ROBO1: variants seen among roughly 807,000 people sequenced by gnomAD.
ROBO1 encodes roundabout guidance receptor 1, also known as roundabout homolog 1.
A neutral mutation model predicts 195.9 loss-of-function variants in ROBO1; 149 were observed. That is an observed-to-expected ratio of 0.76 (90% confidence interval 0.67 to 0.87). The LOEUF is 0.87. ROBO1 is among the 40% of genes least tolerant of loss of function. The pLI is 0.00. For synonymous variants in ROBO1, 816 were observed against 733.2 expected (o/e 1.11, Z -1.82); for missense variants, 1,933 against 2,068.3 (o/e 0.93, Z 1.27).
At chr3:79,140,738 T>G (rs2080508282) in intron 2 of ROBO1, among the ~76,000 whole-genome samples, 1 of 152,202 alleles carries the variant, frequency 6.6e-6, no homozygotes, top group South Asian at 2.1e-4. Flanking sequence ...AGAGAAAAAG[T>G]GAATAATGCA....
chr3:79,590,941 T>C (rs1943980357), intron 1 of ROBO1, among the ~76,000 whole-genome samples: 1 of 151,606 alleles, frequency 6.6e-6, no homozygotes, highest in South Asian at 2.1e-4. Context: ...TGTAATGTGA[T>C]GGGGAACTTA....
intron 2 of ROBO1, among the ~76,000 whole-genome samples, chr3:79,531,819 T>C (rs1941673616): frequency 6.6e-6 from 1 of 150,480 alleles, no homozygotes; most frequent in East Asian, 2.0e-4. Flanking sequence ...TTAAGGAATA[T>C]CAAACCAACT....
intron 2 of ROBO1, among the ~76,000 whole-genome samples, chr3:79,232,613 T>G (rs2082340093): frequency 6.6e-6 from 1 of 152,032 alleles, no homozygotes; most frequent in Admixed American, 6.6e-5. Flanking sequence ...TCCTATAAAC[T>G]TTTACAGAGA....
intron 1 of ROBO1, among the ~76,000 whole-genome samples, chr3:79,639,485 G>A (rs1419891558): frequency 6.6e-6 from 1 of 151,958 alleles, no homozygotes; most frequent in Non-Finnish European, 1.5e-5. Context: ...ATACAACCAG[G>A]TTGGAAAAAA....
In ROBO1 at chr3:79,285,772, T is replaced by A. The variant is rs188476793; in HGVS notation, c.89-160233A>T. Among the ~76,000 whole-genome samples the A allele has an allele frequency of 1.1e-4, 16 of 152,244 alleles. 1 individual carries two copies. The highest frequency in any genetic ancestry group is 6.5e-4 in the Admixed American group (10 of 15,282). ...ATATAAGGCCTAGAATTCCAAGAAA[T>A]TAGATGATGTAAACTTAATATATTG... On this transcript the variant is annotated intron_variant, in intron 2 of 30. Coordinates refer to ENST00000464233, the MANE Select transcript of ROBO1 (RefSeq NM_002941.4).
chr3:79,015,041 CATAAGA>C (rs952015604), intron 3 of ROBO1, among the ~76,000 whole-genome samples: 7 of 152,116 alleles, frequency 4.6e-5, no homozygotes, highest in African/African-American at 1.7e-4. Context: ...CTTTAAATTA[CATAAGA>C]ATATTTCATT....
chr3:79,183,708 T>C (rs920718219), intron 2 of ROBO1, among the ~76,000 whole-genome samples: 2 of 152,158 alleles, frequency 1.3e-5, no homozygotes, highest in African/African-American at 4.8e-5. Flanking sequence ...AGTGGCAGAG[T>C]CTGGATTGGG....
chr3:78,958,165 G>A lies in ROBO1; in HGVS notation c.173-19238C>T, dbSNP rs1302396053. Among the ~76,000 whole-genome samples the A allele has an allele frequency of 2.0e-5, 3 of 152,076 alleles. No individual in the cohort carries two copies. In the South Asian group the frequency reaches 6.2e-4, roughly 31 times the overall value. ...TTGTTTACTACATATATGCATAAACGTCTGCTTTGGAAAAACCTAGAGCAA... is the reference window on the plus strand; with the variant it reads ...TTGTTTACTACATATATGCATAAACATCTGCTTTGGAAAAACCTAGAGCAA... On this transcript the variant is annotated intron_variant, in intron 3 of 30. Coordinates refer to ENST00000464233, the MANE Select transcript of ROBO1 (RefSeq NM_002941.4).
At chr3:79,432,295 C>T (rs2038710051) in intron 2 of ROBO1, among the ~76,000 whole-genome samples, 2 of 151,900 alleles carry the variant, frequency 1.3e-5, no homozygotes, top group Admixed American at 1.3e-4. Context: ...AAACAGACAC[C>T]TCATATTTAT....
chr3:78,882,144 C>G (rs947504410), intron 4 of ROBO1, among the ~76,000 whole-genome samples: 2 of 151,828 alleles, frequency 1.3e-5, no homozygotes, highest in Non-Finnish European at 2.9e-5. Flanking sequence ...AATTTAGGAA[C>G]AGTTTTATAT....
chr3:79,386,159 A>C (rs554928965), intron 2 of ROBO1, among the ~76,000 whole-genome samples: 1 of 152,314 alleles, frequency 6.6e-6, no homozygotes, highest in African/African-American at 2.4e-5. Flanking sequence ...CATTTTAATT[A>C]GAAACAGACA....
At chr3:78,967,595 AC>A (rs2076675350) in intron 3 of ROBO1, among the ~76,000 whole-genome samples, 1 of 151,810 alleles carries the variant, frequency 6.6e-6, no homozygotes, top group Non-Finnish European at 1.5e-5. Flanking sequence ...CTTGTTAAAA[AC>A]CTTTTTGTTT....
intron 3 of ROBO1, among the ~76,000 whole-genome samples, chr3:78,947,812 T>C (rs975657615): frequency 2.0e-5 from 3 of 151,748 alleles, no homozygotes; most frequent in African/African-American, 7.3e-5. Flanking sequence ...AAGAATCAAA[T>C]AGACACAATA....
intron 9 of ROBO1, among the ~76,000 whole-genome samples, chr3:78,686,339 G>C (rs1039467671): frequency 6.6e-6 from 1 of 151,964 alleles, no homozygotes; most frequent in East Asian, 1.9e-4. Context: ...GGCGGATCAC[G>C]AGGTCAGGAG....
intron 1 of ROBO1, among the ~76,000 whole-genome samples, chr3:79,686,640 C>T (rs1268450090): frequency 6.6e-6 from 1 of 151,988 alleles, no homozygotes; most frequent in African/African-American, 2.4e-5. Context: ...GAATAAAATA[C>T]CTAGGAATCA....
chr3:79,464,531 T>C (rs1319268959), intron 2 of ROBO1, among the ~76,000 whole-genome samples: 8 of 152,232 alleles, frequency 5.3e-5, no homozygotes, highest in African/African-American at 1.9e-4. Flanking sequence ...CATCTTTTCA[T>C]GTGCTTATCA....
intron 14 of ROBO1, among the ~76,000 whole-genome samples, chr3:78,664,736 C>T (rs771632131): frequency 2.0e-5 from 3 of 152,134 alleles, no homozygotes; most frequent in African/African-American, 7.2e-5. Context: ...AGAAATTATG[C>T]CTGCTCCCTT....
At chr3:79,722,181 T>TA (rs139411361) in intron 1 of ROBO1, among the ~76,000 whole-genome samples, 46,381 of 152,040 alleles carry the variant, frequency 0.31, 8,076 homozygotes, top group East Asian at 0.57. Flanking sequence ...AAAACTAATT[T>TA]AAATGTTAAA....
intron 1 of ROBO1, among the ~76,000 whole-genome samples, chr3:79,642,356 A>T (rs1377070790): frequency 1.3e-5 from 2 of 152,188 alleles, no homozygotes; most frequent in Non-Finnish European, 2.9e-5. Context: ...TAGAAAGCTT[A>T]TTCAAGGAAA....
Sources: allele counts gnomAD v4.1 joint callset (sites outside exome capture counted in the v4.1 genomes callset), GRCh38; gene constraint gnomAD v4.1.1; transcripts MANE v1.5; gene names NCBI Gene and HGNC (gene_info 2026-07-23, HGNC 2026-07-21).